Variants in PFAS observed in about 807,000 individuals in gnomAD.
PFAS encodes phosphoribosylformylglycinamidine synthase, also known as FGAM synthase.
In PFAS, 97 loss-of-function variants were observed where a neutral mutation model predicts 140.6. The observed-to-expected ratio is 0.69, with a 90% CI of 0.59 to 0.82. The LOEUF (loss-of-function observed/expected upper bound fraction) is 0.82. PFAS is among the 40% of genes least tolerant of loss of function. The probability of loss-of-function intolerance (pLI) is 0.00; values close to 1 mark genes in which losing one functional copy is unlikely to be tolerated. For synonymous variants in PFAS, 679 were observed against 718.8 expected (o/e 0.94, Z 0.88); for missense variants, 1,656 against 1,780.2 (o/e 0.93, Z 1.26).
Position 8,257,909 on chromosome 17 carries a change from G to A in PFAS, c.1178G>A (p.Gly393Asp), listed in dbSNP as rs1989437281. The change falls in exon 10 of 28, where the codon GGC becomes GAC. Residue 393 changes from glycine (G) to aspartate (D), a missense_variant. Coordinates refer to ENST00000314666, the MANE Select transcript of PFAS (RefSeq NM_012393.3). ...GCCAGTAATGGAGCTTCTGACTATGGCAACAAGTTTGGGGAACCAGTGCTG... is the reference window on the plus strand; with the variant it reads ...GCCAGTAATGGAGCTTCTGACTATGACAACAAGTTTGGGGAACCAGTGCTG... ...IEASNGASDY[G>D]NKFGEPVLAG... 2 of 1,614,188 alleles carry A rather than the reference G, an allele frequency of 1.2e-6. No individual in the cohort carries two copies. The highest frequency in any genetic ancestry group is 1.7e-6 in the Non-Finnish European group (2 of 1,180,028).
chr17:8,258,036 C>G, intron 10 of PFAS, 35 bp from the exon 11 acceptor site: 2 of 1,613,752 alleles, frequency 1.2e-6, no homozygotes, highest in Non-Finnish European at 1.7e-6. Context: ...ACTGGGGGAA[C>G]TGAGTGACAG....
chr17:8,249,990 C>G (rs1989088083), intron 1 of PFAS, among the ~76,000 whole-genome samples: 2 of 152,052 alleles, frequency 1.3e-5, no homozygotes, highest in African/African-American at 2.4e-5. Flanking sequence ...TAAAATAGGG[C>G]CGGCCATCTG....
chr17:8,265,205 T>C lies in PFAS; in HGVS notation c.2280+80T>C. 9 of 1,566,682 alleles carry C rather than the reference T, an allele frequency of 5.7e-6. No homozygotes were observed. The Admixed American group carries it at 8.6e-5, about 15-fold the overall frequency. The stretch of plus-strand genomic sequence containing the variant: ...CATCCATCTGTAGCCCTTCATTTCA[T>C]GTTGCAACCTCCCAGTCCGCCTGCA... On this transcript the variant is annotated intron_variant, in intron 18 of 27. Transcript: ENST00000314666.
chr17:8,251,424 G>A (rs1989146520), intron 1 of PFAS, among the ~76,000 whole-genome samples: 1 of 152,042 alleles, frequency 6.6e-6, no homozygotes, highest in Admixed American at 6.6e-5. Flanking sequence ...TGGGACCACA[G>A]GTACATGCCA....
chr17:8,255,732 C>A, intron 5 of PFAS, 41 bp downstream of exon 5: 1 of 1,603,798 alleles, frequency 6.2e-7, no homozygotes, highest in Non-Finnish European at 8.5e-7. Context: ...CAGGATAGGC[C>A]AGTAGGGGTG....
Position 8,268,762 on chromosome 17 carries a change from T to C in PFAS, c.3612T>C (p.Ser1204=). 6.2e-7 allele frequency: 1 copy of C among 1,611,504 alleles called. No homozygotes were observed. Among genetic ancestry groups the C allele is most frequent in the Non-Finnish European group, 8.5e-7 (1 of 1,179,850 alleles). ...LRHNLSGRYE[S]RWASVRVGPG... Reference sequence around the variant, plus strand: ...ACAACCTGTCTGGGCGCTACGAGTCTCGCTGGGCCAGCGTGCGTGTGGGGC... The same window carrying C: ...ACAACCTGTCTGGGCGCTACGAGTCCCGCTGGGCCAGCGTGCGTGTGGGGC... Residue 1204 remains serine (S), a synonymous_variant, in exon 27 of 28, where the codon TCT becomes TCC. Transcript: ENST00000314666.
intron 1 of PFAS, among the ~76,000 whole-genome samples, chr17:8,250,901 G>A (rs536443471): frequency 6.6e-6 from 1 of 152,144 alleles, no homozygotes; most frequent in Admixed American, 6.5e-5. Flanking sequence ...AGTGCAGGGT[G>A]AGGTCATGAA....
chr17:8,260,724 A>G (rs1234754165), intron 11 of PFAS, among the ~76,000 whole-genome samples: 1 of 152,160 alleles, frequency 6.6e-6, no homozygotes, highest in Non-Finnish European at 1.5e-5. Context: ...TCCCGGGTTC[A>G]CGCCACTCTC....
At position 8,268,540 on chromosome 17, in the gene PFAS, A is replaced by T. The variant is rs764719470; in HGVS notation, c.3390A>T (p.Ala1130=). The T allele has an allele frequency of 1.2e-6, 2 of 1,611,094 alleles. No homozygotes were observed. Among genetic ancestry groups the T allele is most frequent in the African/African-American group, 2.7e-5 (2 of 74,820 alleles). ...TTCCCTATTCCCTGCTAGGGTGGGC[A>T]GCTGCTGTGACCTTTCATCCCAGGG... ...ADVLGSAKGW[A]AAVTFHPRAG... Residue 1130 remains alanine (A), a synonymous_variant, in exon 27 of 28, where the codon GCA becomes GCT. Transcript: ENST00000314666.
rs765420234 is a variant in PFAS, at chr17:8,253,966, G to A, written c.29G>A (p.Arg10His). MSPVLHFYV[R>H]PSGHEGAAPG... ...TCCCCAGTCCTTCACTTCTATGTTC[G>A]TCCCTCTGGCCATGAGGGGGCAGCC... The change falls in exon 2 of 28, where the codon CGT becomes CAT. Residue 10 changes from arginine (R) to histidine (H), a missense_variant. This residue lies in a region of PFAS where 773 missense variants were observed against 757.3 expected (regional missense o/e 1.02). Transcript: ENST00000314666. 33 of 1,613,802 alleles carry A rather than the reference G, an allele frequency of 2.0e-5. No homozygotes were observed. The highest frequency in any genetic ancestry group is 4.5e-5 in the East Asian group (2 of 44,900).
chr17:8,267,123 A>G lies in PFAS; in HGVS notation c.3063A>G (p.Leu1021=), dbSNP rs1163305416. 1 of 1,613,280 alleles carries G rather than the reference A, an allele frequency of 6.2e-7. No homozygotes were observed. The highest frequency in any genetic ancestry group is 8.5e-7 in the Non-Finnish European group (1 of 1,179,728). ...AGACGAGTTTCCAGCTGGACCGGCT[A>G]CAGGCAGAGCCTCGCTGTGTGGCAG... is the stretch of plus-strand genomic sequence containing the variant. ...WEETSFQLDR[L]QAEPRCVAEE... is the part of the protein sequence containing the mutation. Residue 1021 remains leucine, a synonymous_variant, in exon 24 of 28, where the codon CTA becomes CTG. Transcript: ENST00000314666. The surrounding 1 kb of genome is among the most constrained non-coding windows in gnomAD (Gnocchi z 4.9).
Position 8,266,017 on chromosome 17 carries a change from G to C in PFAS, c.2701G>C (p.Asp901His). 1.2e-6 allele frequency: 2 copies of C among 1,603,570 alleles called. No homozygotes were observed. The highest frequency in any genetic ancestry group is 1.7e-6 in the Non-Finnish European group (2 of 1,174,510). Residue 901 changes from aspartate (D) to histidine (H), a missense_variant and splice_region_variant, in exon 21 of 28, where the codon GAC (aspartate) becomes CAC (histidine). Around this residue, in one of 2 missense-constraint regions of PFAS, gnomAD observed 883 missense variants for 1,023.0 expected, o/e 0.86. Coordinates refer to ENST00000314666, the MANE Select transcript of PFAS (RefSeq NM_012393.3). This position sits in a 1 kb window ranked among gnomAD's most constrained non-coding sequence, Gnocchi z 5.0. ...AFSITQGLLK[D>H]RLLCSGHDVS... ...CAGCATCACTCAGGGGCTGCTGAAA[G>C]GTGAGTGAAGACCCCTGGGGAGATA...
At chr17:8,261,243 T>C (rs1989579380) in intron 11 of PFAS, among the ~76,000 whole-genome samples, 3 of 152,124 alleles carry the variant, frequency 2.0e-5, no homozygotes, top group African/African-American at 4.8e-5. Flanking sequence ...TTCTTTCTTT[T>C]TTTTTTTTGT....
At position 8,263,207 on chromosome 17, in the gene PFAS, G is replaced by A; in HGVS notation, c.1509G>A (p.Val503=). The A allele has an allele frequency of 1.2e-6, 2 of 1,614,122 alleles. No individual in the cohort carries two copies. Among genetic ancestry groups the A allele is most frequent in the Non-Finnish European group, 8.5e-7 (1 of 1,179,980 alleles). ...QKMNRVIRAC[V]EAPKGNPICS... The stretch of plus-strand genomic sequence containing the variant: ...TGAACCGTGTGATCAGGGCTTGTGT[G>A]GAGGCCCCCAAGGGAAACCCCATCT... Residue 503 remains valine (V), a synonymous_variant, in exon 13 of 28, where the codon GTG becomes GTA. Coordinates refer to ENST00000314666, the MANE Select transcript of PFAS (RefSeq NM_012393.3).
chr17:8,266,228 C>T lies in PFAS; in HGVS notation c.2702-6C>T. 3.7e-6 allele frequency: 6 copies of T among 1,613,886 alleles called. No individual in the cohort carries two copies. The highest frequency in any genetic ancestry group is 5.1e-6 in the Non-Finnish European group (6 of 1,179,902). ...AGGTTGCTGAGCTTTCTTCTCCTTC[C>T]TCCAGACCGCCTCCTCTGCTCAGGC... On this transcript the variant is annotated splice_polypyrimidine_tract_variant and splice_region_variant and intron_variant, in intron 21 of 27. Coordinates refer to ENST00000314666, the MANE Select transcript of PFAS (RefSeq NM_012393.3). This position sits in a 1 kb window ranked among gnomAD's most constrained non-coding sequence, Gnocchi z 5.0.
Position 8,269,342 on chromosome 17 carries a change from G to A in PFAS, c.*78G>A. The A allele has an allele frequency of 2.0e-6, 2 of 1,012,016 alleles. No homozygotes were observed. Among genetic ancestry groups the A allele is most frequent in the Non-Finnish European group, 2.9e-6 (2 of 685,040 alleles). The allele number at this position is 1,012,016 out of a possible 1,614,324, so 62.7% of individuals were successfully genotyped here. A position where few individuals can be genotyped will look rare whatever the true frequency, so the allele number is the denominator to read the frequency against. On this transcript the variant is annotated 3_prime_UTR_variant, in exon 28 of 28. Transcript: ENST00000314666. ...GCCCCCTCCCCCATGACCTTCAGGA[G>A]CACCCCATATTATTTCCAAAAATAT...
chr17:8,255,124 C>T lies in PFAS; in HGVS notation c.376C>T (p.Arg126Trp), dbSNP rs768901174. The T allele has an allele frequency of 1.1e-5, 17 of 1,608,358 alleles. No individual in the cohort carries two copies. The highest frequency in any genetic ancestry group is 5.5e-5 in the South Asian group (5 of 90,988). ...TCGTGTGGAGACCACCCGGCGCTAC[C>T]GGCTCTCGGTGAGGTGATGGGGAAT... ...VDRVETTRRY[R>W]LSFAHPPSAE... The change falls in exon 4 of 28, where the codon CGG becomes TGG. Residue 126 changes from arginine to tryptophan, a missense_variant. Arg to Trp is a moderately radical substitution (Grantham distance 101). Coordinates refer to ENST00000314666, the MANE Select transcript of PFAS (RefSeq NM_012393.3).
Position 8,267,703 on chromosome 17 carries a change from A to G in PFAS, c.3382+38A>G. The G allele has an allele frequency of 8.6e-7, 1 of 1,163,394 alleles. No individual in the cohort carries two copies. The highest frequency in any genetic ancestry group is 1.3e-6 in the Non-Finnish European group (1 of 785,682). The allele number at this position is 1,163,394 out of a possible 1,614,324, so 72.1% of individuals were successfully genotyped here. A position where few individuals can be genotyped will look rare whatever the true frequency, so the allele number is the denominator to read the frequency against. ...GCTTCTGCCCACTCCCTTCCCCCAC[A>G]TTCCTGAAGAGGTGCCTTTAGCCCC... is the stretch of plus-strand genomic sequence containing the variant. On this transcript the variant is annotated intron_variant, in intron 26 of 27. Coordinates refer to ENST00000314666, the MANE Select transcript of PFAS (RefSeq NM_012393.3). This position sits in a 1 kb window ranked among gnomAD's most constrained non-coding sequence, Gnocchi z 4.9.
chr17:8,269,417 C>T lies in PFAS; in HGVS notation c.*153C>T. 1.7e-6 allele frequency: 1 copy of T among 598,538 alleles called. No individual in the cohort carries two copies. The highest frequency in any genetic ancestry group is 3.0e-6 in the Non-Finnish European group (1 of 335,306). 37.1% of individuals were successfully genotyped at this position (598,538 alleles called of 1,614,324 possible). A position where few individuals can be genotyped will look rare whatever the true frequency, so the allele number is the denominator to read the frequency against. On this transcript the variant is annotated 3_prime_UTR_variant, in exon 28 of 28. Transcript: ENST00000314666. ...CCAAAATCTCAGCGGACTCGATAAT[C>T]TGCCTGCTGATGTTCCTTCTGTGGC...
Sources: gnomAD v4.1 joint callset for allele counts (sites outside exome capture counted in the v4.1 genomes callset) on GRCh38, gnomAD v4.1.1 for gene constraint, gnomAD v4.1.1 regional missense constraint, Gnocchi (gnomAD v3.1) non-coding constraint, MANE v1.5 for transcripts, NCBI Gene and HGNC (gene_info 2026-07-23, HGNC 2026-07-21) for gene names.